ARSG: variants seen among roughly 807,000 people sequenced by gnomAD.
ARSG encodes ASG.
A neutral mutation model predicts 50.5 loss-of-function variants in ARSG; 37 were observed. That is an observed-to-expected ratio of 0.73 (90% CI 0.56 to 0.96). The LOEUF (loss-of-function observed/expected upper bound fraction) is 0.96. ARSG is among the 50% of genes least tolerant of loss of function. The probability of loss-of-function intolerance (pLI) is 0.00; values close to 1 mark genes in which losing one functional copy is unlikely to be tolerated. For missense variants in ARSG, 629 were observed against 675.3 expected, an observed-to-expected ratio of 0.93 and a Z score of 0.76; for synonymous variants, 225 against 254.6, an observed-to-expected ratio of 0.88 and a Z score of 1.11.
intron 2 of ARSG, among the ~76,000 whole-genome samples, chr17:68,322,928 G>C (rs1399365249): frequency 1.3e-5 from 2 of 152,176 alleles, no homozygotes; most frequent in East Asian, 3.9e-4. Context: ...CTGGCTTGCA[G>C]ACGGCCCCCT....
At chr17:68,324,489 G>A (rs997451075) in intron 2 of ARSG, among the ~76,000 whole-genome samples, 28 of 152,184 alleles carry the variant, frequency 1.8e-4, no homozygotes, top group African/African-American at 2.2e-4. Flanking sequence ...ACCTTCCCTC[G>A]CGTGGCTGTA....
the ARSG span, chr17:68,428,586 A>G: frequency 4.6e-6 from 2 of 431,866 alleles, no homozygotes; most frequent in East Asian, 9.4e-5. Flanking sequence ...TTAGGAGCAT[A>G]GGCTGAGGGG....
At chr17:68,263,561 C>T (rs1255089109) in intron 1 of ARSG, among the ~76,000 whole-genome samples, 4 of 152,234 alleles carry the variant, frequency 2.6e-5, no homozygotes, top group African/African-American at 4.8e-5. Context: ...CCTCTGCCTT[C>T]TGGGCTCAAG....
intron 1 of ARSG, among the ~76,000 whole-genome samples, chr17:68,276,864 C>T (rs1388904002): frequency 1.3e-5 from 2 of 152,082 alleles, no homozygotes; most frequent in Admixed American, 6.5e-5. Context: ...ATTCAATAGC[C>T]CTTTATAGGA....
chr17:68,304,666 C>G (rs1555763289), intron 1 of ARSG, among the ~76,000 whole-genome samples: 1 of 152,184 alleles, frequency 6.6e-6, no homozygotes, highest in African/African-American at 2.4e-5. Context: ...ACTGGATGTT[C>G]AACTGAAGCT....
intron 1 of ARSG, among the ~76,000 whole-genome samples, chr17:68,266,685 C>T (rs539417783): frequency 1.3e-5 from 2 of 151,734 alleles, no homozygotes; most frequent in African/African-American, 4.8e-5. Context: ...GTGGCGGGCA[C>T]CTGTAATCCT....
At chr17:68,437,931 AAG>A in the ARSG span, among the ~76,000 whole-genome samples, 358 of 135,784 alleles carry the variant, frequency 2.6e-3, 6 homozygotes, top group African/African-American at 9.4e-3. Flanking sequence ...GAGATCACGC[AAG>A]AGAGACATCT....
chr17:68,260,803 A>C (rs1174668312), intron 1 of ARSG, among the ~76,000 whole-genome samples: 10 of 152,066 alleles, frequency 6.6e-5, no homozygotes, highest in African/African-American at 9.7e-5. Flanking sequence ...AAGAGTTGCA[A>C]TATTTAGTAA....
upstream of ARSG, among the ~76,000 whole-genome samples, chr17:68,287,227 G>T (rs1330024888): frequency 2.0e-5 from 3 of 152,196 alleles, no homozygotes; most frequent in African/African-American, 7.2e-5. Flanking sequence ...TGATCTGCCT[G>T]CTTTGGCCTC....
chr17:68,331,849 T>C (rs1415776083), intron 2 of ARSG, among the ~76,000 whole-genome samples: 2 of 152,056 alleles, frequency 1.3e-5, no homozygotes, highest in African/African-American at 4.8e-5. Flanking sequence ...ACCAGCAAGC[T>C]TGGGGAGGGA....
chr17:68,292,359 A>G (rs1163962931), intron 1 of ARSG, among the ~76,000 whole-genome samples: 1 of 152,154 alleles, frequency 6.6e-6, no homozygotes, highest in Non-Finnish European at 1.5e-5. Flanking sequence ...CCCGACCCCA[A>G]GGTCACCGTG....
At chr17:68,327,000 T>C (rs929162664) in intron 2 of ARSG, among the ~76,000 whole-genome samples, 2 of 152,182 alleles carry the variant, frequency 1.3e-5, no homozygotes, top group South Asian at 2.1e-4. Context: ...ACATTAGACA[T>C]GAAAAGGCTG....
rs969520672 is a variant in ARSG at position 68,381,159 on chromosome 17, C to T, written c.983-3905C>T. Among the ~76,000 whole-genome samples, 2 of 152,130 alleles carry T rather than the reference C, an allele frequency of 1.3e-5. No individual in the cohort carries two copies. Among genetic ancestry groups the T allele is most frequent in the Non-Finnish European group, 2.9e-5 (2 of 68,030 alleles). Reference sequence around the variant, plus strand: ...ACTCAGTGAAACATGGCCCTTGGGTCCCAGCCAAGAAAGACCACTGTTCCT... The same window carrying T: ...ACTCAGTGAAACATGGCCCTTGGGTTCCAGCCAAGAAAGACCACTGTTCCT... On this transcript the variant is annotated intron_variant, in intron 8 of 11. Transcript: ENST00000621439. This position sits in a 1 kb window ranked among gnomAD's most constrained non-coding sequence, Gnocchi z 4.1.
chr17:68,347,256 C>T (rs2078557903), intron 4 of ARSG, 84 bp downstream of exon 4: 1 of 1,489,780 alleles, frequency 6.7e-7, no homozygotes. Context: ...CTAAGCCATC[C>T]TGTCTCTGGG....
chr17:68,373,905 C>T (rs1340053609), intron 8 of ARSG, among the ~76,000 whole-genome samples: 4 of 151,990 alleles, frequency 2.6e-5, no homozygotes, highest in African/African-American at 9.7e-5. Flanking sequence ...CACCTGTAAT[C>T]CCAGCACTTT....
chr17:68,296,212 G>A (rs1408013798), intron 1 of ARSG, among the ~76,000 whole-genome samples: 1 of 152,182 alleles, frequency 6.6e-6, no homozygotes, highest in Admixed American at 6.5e-5. Flanking sequence ...AGGGCTGTGT[G>A]TGGGACCAGT....
At chr17:68,426,052 A>G, downstream of ARSG, 1 of 1,605,346 alleles carries the variant, frequency 6.2e-7, no homozygotes, top group Non-Finnish European at 8.5e-7. Context: ...TGAGCCGCCC[A>G]GTTACGGGTT....
At chr17:68,435,795 C>G in the ARSG span, 4 of 1,260,920 alleles carry the variant, frequency 3.2e-6, no homozygotes, top group Non-Finnish European at 3.5e-6. Flanking sequence ...CTCTTTTCTC[C>G]TTTCTCCCTC....
At chr17:68,312,446 G>GT (rs1555767106) in intron 2 of ARSG, among the ~76,000 whole-genome samples, 1 of 152,036 alleles carries the variant, frequency 6.6e-6, no homozygotes, top group African/African-American at 2.4e-5. Context: ...CGCTTTCAGT[G>GT]TTTAGCAGGT....
Sources: allele counts gnomAD v4.1 joint callset (sites outside exome capture counted in the v4.1 genomes callset), GRCh38; gene constraint gnomAD v4.1.1; non-coding constraint Gnocchi (gnomAD v3.1); transcripts MANE v1.5; gene names NCBI Gene and HGNC (gene_info 2026-07-23, HGNC 2026-07-21).